ODR4: variants seen among roughly 807,000 people sequenced by gnomAD.
ODR4 encodes odr-4 GPCR localization factor homolog.
ODR4 carries 47 observed loss-of-function variants against 60.2 expected under a neutral mutation model. The observed-to-expected ratio is 0.78, with a 90% CI of 0.62 to 1.00. The LOEUF (loss-of-function observed/expected upper bound fraction) is 1.00, where lower values mean the gene tolerates loss of function less well. Ranked by LOEUF, ODR4 falls within the 50% of genes least tolerant of loss-of-function variation. The probability of loss-of-function intolerance (pLI) is 0.00; values close to 1 mark genes in which losing one functional copy is unlikely to be tolerated. For missense variants in ODR4, 488 were observed against 530.8 expected (o/e 0.92, Z 0.79); for synonymous variants, 178 against 175.5 (o/e 1.01, Z -0.11).
chr1:186,378,052 A>G (rs201113689), intron 1 of ODR4, among the ~76,000 whole-genome samples: 1 of 21,392 alleles, frequency 4.7e-5, no homozygotes, highest in Non-Finnish European at 1.2e-4. Context: ...CTCAAAAAAC[A>G]AAAAAAAAAA....
At chr1:186,384,572 G>GTC (rs1553234420) in intron 3 of ODR4, among the ~76,000 whole-genome samples, 8 of 129,548 alleles carry the variant, frequency 6.2e-5, no homozygotes, top group Admixed American at 4.9e-4. Context: ...AATTGTATAT[G>GTC]ACACACACAC....
At chr1:186,416,315 C>T (rs565861906) in intron 12 of ODR4, among the ~76,000 whole-genome samples, 35 of 151,966 alleles carry the variant, frequency 2.3e-4, no homozygotes, top group African/African-American at 8.2e-4. Flanking sequence ...ACAGGCAGAT[C>T]ACTTATAGTC....
At chr1:186,382,290 G>GTTTGAGCCT (rs1416702189) in intron 2 of ODR4, among the ~76,000 whole-genome samples, 5 of 147,578 alleles carry the variant, frequency 3.4e-5, no homozygotes, top group Non-Finnish European at 6.0e-5. Context: ...ATGGCTGATT[G>GTTTGAGCCT]TTTGAGCCTG....
At chr1:186,407,880 A>C (rs150443376) in intron 12 of ODR4, among the ~76,000 whole-genome samples, 1 of 152,240 alleles carries the variant, frequency 6.6e-6, no homozygotes, top group African/African-American at 2.4e-5. Flanking sequence ...GAACTTTTAG[A>C]AGATCCACAA....
intron 12 of ODR4, among the ~76,000 whole-genome samples, chr1:186,415,332 C>A (rs1443786811): frequency 6.6e-6 from 1 of 151,966 alleles, no homozygotes; most frequent in Non-Finnish European, 1.5e-5. Context: ...ATATGTCATT[C>A]TTTTGAGCTT....
intron 10 of ODR4, 53 bp downstream of exon 10, chr1:186,398,494 C>G: frequency 6.7e-7 from 1 of 1,494,406 alleles, no homozygotes. Flanking sequence ...TAACAAAAAC[C>G]TAAAATTTTA....
At chr1:186,423,086 A>C (rs889647282), downstream of ODR4, among the ~76,000 whole-genome samples, 1 of 152,204 alleles carries the variant, frequency 6.6e-6, no homozygotes, top group Non-Finnish European at 1.5e-5. Context: ...TCAGGAAGAA[A>C]TAGAAAAGCT....
At position 186,386,142 on chromosome 1, in the gene ODR4, T is replaced by G. The variant is rs1660241853; in HGVS notation, c.330+59T>G. On this transcript the variant is annotated intron_variant, in intron 4 of 13. Coordinates refer to ENST00000287859, the MANE Select transcript of ODR4 (RefSeq NM_017847.6). ...TCAGTTATATGTTATTTTTACTGAT[T>G]ATGAGTATGTGTAATGATTCTAGGC... 3 of 947,144 alleles carry G rather than the reference T, an allele frequency of 3.2e-6. No homozygotes were observed. In the South Asian group the frequency reaches 4.8e-5, roughly 15 times the overall value. 58.7% of individuals were successfully genotyped at this position (947,144 alleles called of 1,614,324 possible).
intron 11 of ODR4, among the ~76,000 whole-genome samples, chr1:186,402,187 A>ATTCCTTCT (rs1553236963): frequency 7.4e-6 from 1 of 135,424 alleles, no homozygotes; most frequent in Non-Finnish European, 1.6e-5. Flanking sequence ...TAGGCATCCT[A>ATTCCTTCT]TTCTTTCTTT....
At chr1:186,392,410 A>G (rs1020233882) in intron 8 of ODR4, among the ~76,000 whole-genome samples, 6 of 152,248 alleles carry the variant, frequency 3.9e-5, no homozygotes, top group Admixed American at 1.3e-4. Flanking sequence ...GACAGACTAG[A>G]TAATGAAAAT....
chr1:186,378,108 C>G (rs1007863597), intron 1 of ODR4, among the ~76,000 whole-genome samples: 44 of 152,108 alleles, frequency 2.9e-4, no homozygotes, highest in African/African-American at 1.1e-3. Context: ...ACTGAACAAG[C>G]TCATTGAAAC....
intron 1 of ODR4, among the ~76,000 whole-genome samples, chr1:186,376,703 C>G (rs987512081): frequency 6.6e-6 from 1 of 152,124 alleles, no homozygotes; most frequent in African/African-American, 2.4e-5. Flanking sequence ...TTTAGATAAG[C>G]ATTGTAATTA....
At chr1:186,390,651 T>G (rs1660431386) in intron 6 of ODR4, 60 bp from the exon 7 acceptor site, 2 of 1,522,130 alleles carry the variant, frequency 1.3e-6, no homozygotes, top group Admixed American at 1.7e-5. Context: ...AATGTTTTGT[T>G]GATCCATGTA....
chr1:186,423,588 G>A (rs546239290), downstream of ODR4, among the ~76,000 whole-genome samples: 1 of 151,088 alleles, frequency 6.6e-6, no homozygotes, highest in East Asian at 2.0e-4. Flanking sequence ...CCGAGTAGCT[G>A]GGATTACAGG....
intron 11 of ODR4, among the ~76,000 whole-genome samples, chr1:186,402,238 T>TCTTTCTTTCTTTC (rs1661006919): frequency 2.1e-5 from 3 of 145,686 alleles, no homozygotes; most frequent in Admixed American, 1.4e-4. Flanking sequence ...TTCTTTCCTT[T>TCTTTCTTTCTTTC]CTTTCTTTCT....
intron 9 of ODR4, 142 bp from the exon 10 acceptor site, chr1:186,398,171 A>G (rs1301241548): frequency 4.5e-5 from 28 of 629,010 alleles, no homozygotes; most frequent in Non-Finnish European, 5.5e-5. Context: ...AGGCCTTTAA[A>G]TAATTTGCAG....
At chr1:186,379,948 C>A in intron 2 of ODR4, 64 bp downstream of exon 2, 1 of 976,478 alleles carries the variant, frequency 1.0e-6, no homozygotes, top group Non-Finnish European at 1.5e-6. Context: ...TTAAAAATTA[C>A]TTGTTGATTT....
At chr1:186,381,878 C>T (rs1341113403) in intron 2 of ODR4, among the ~76,000 whole-genome samples, 2 of 152,182 alleles carry the variant, frequency 1.3e-5, no homozygotes, top group Non-Finnish European at 2.9e-5. Flanking sequence ...TTGAATGTAA[C>T]TTCCTGAAAA....
At chr1:186,402,732 C>G (rs905941940) in intron 11 of ODR4, among the ~76,000 whole-genome samples, 1 of 149,700 alleles carries the variant, frequency 6.7e-6, no homozygotes, top group African/African-American at 2.4e-5. Flanking sequence ...GGACTACAAG[C>G]GCACAGCAGT....
Sources: gnomAD v4.1 joint callset for allele counts (sites outside exome capture counted in the v4.1 genomes callset) on GRCh38, gnomAD v4.1.1 for gene constraint, MANE v1.5 for transcripts, NCBI Gene and HGNC (gene_info 2026-07-23, HGNC 2026-07-21) for gene names.